CACNA2D3: variants seen among roughly 807,000 people sequenced by gnomAD.
CACNA2D3 encodes calcium voltage-gated channel auxiliary subunit alpha2delta 3.
In CACNA2D3, 60 loss-of-function variants were observed where a neutral mutation model predicts 160.6. That is an observed-to-expected ratio of 0.37 (90% CI 0.30 to 0.46). The LOEUF (loss-of-function observed/expected upper bound fraction) is 0.46, where lower values mean the gene tolerates loss of function less well. CACNA2D3 is among the 20% of genes least tolerant of loss of function. The pLI is 1.00. For synonymous variants in CACNA2D3, 558 were observed against 492.9 expected, an observed-to-expected ratio of 1.13 and a Z score of -1.75; for missense variants, 1,205 against 1,365.0, an observed-to-expected ratio of 0.88 and a Z score of 1.85.
intron 4 of CACNA2D3, among the ~76,000 whole-genome samples, chr3:54,414,942 T>G (rs1699730840): frequency 6.6e-6 from 1 of 152,124 alleles, no homozygotes; most frequent in East Asian, 1.9e-4. Context: ...ATTAAATATT[T>G]CAATGAACAA....
intron 2 of CACNA2D3, among the ~76,000 whole-genome samples, chr3:54,266,845 G>C (rs547987879): frequency 1.3e-5 from 2 of 152,310 alleles, no homozygotes; most frequent in East Asian, 3.9e-4. Context: ...GCAGCAGCTT[G>C]GGCACATATC....
At chr3:55,050,616 C>T (rs1162451507) in intron 35 of CACNA2D3, among the ~76,000 whole-genome samples, 8 of 136,364 alleles carry the variant, frequency 5.9e-5, no homozygotes, top group South Asian at 2.5e-4. Flanking sequence ...ATCTTTGTGG[C>T]GTTCTCTGTA....
At chr3:54,816,213 G>C (rs1292759412) in intron 13 of CACNA2D3, among the ~76,000 whole-genome samples, 1 of 152,074 alleles carries the variant, frequency 6.6e-6, no homozygotes, top group African/African-American at 2.4e-5. Context: ...CATCAATAAA[G>C]GGAACAGTTA....
intron 11 of CACNA2D3, among the ~76,000 whole-genome samples, chr3:54,657,761 G>T (rs1390075656): frequency 2.0e-5 from 3 of 152,194 alleles, no homozygotes; most frequent in African/African-American, 2.4e-5. Flanking sequence ...AGGTGCAGTG[G>T]CTCACACCTG....
intron 4 of CACNA2D3, among the ~76,000 whole-genome samples, chr3:54,394,253 T>C (rs1699333540): frequency 6.6e-6 from 1 of 151,612 alleles, no homozygotes; most frequent in African/African-American, 2.4e-5. Context: ...TGCTTGGTTG[T>C]GCCCCAGAAT....
rs141511548 is a variant in CACNA2D3 at position 54,457,687 on chromosome 3, A to G, written c.382-45805A>G. ...CCCAGATTTTATTGTATTGGAATCT[A>G]TATATCTTTTGAGATCTAATAATAT... On this transcript the variant is annotated intron_variant, in intron 4 of 37. Coordinates refer to ENST00000474759, the MANE Select transcript of CACNA2D3 (RefSeq NM_018398.3). Among the ~76,000 whole-genome samples the G allele has an allele frequency of 2.4e-3, 369 of 152,124 alleles. 2 individuals are homozygous for G. The highest frequency in any genetic ancestry group is 3.7e-3 in the Admixed American group (56 of 15,254).
intron 2 of CACNA2D3, among the ~76,000 whole-genome samples, chr3:54,139,891 C>T (rs972664361): frequency 6.6e-6 from 1 of 152,186 alleles, no homozygotes; most frequent in Non-Finnish European, 1.5e-5. Flanking sequence ...ATGCACATCT[C>T]AGGAACACTG....
chr3:55,019,079 TTTTC>T (rs113970383), intron 35 of CACNA2D3, among the ~76,000 whole-genome samples: 3,976 of 146,722 alleles, frequency 0.027, 139 homozygotes, highest in African/African-American at 0.084. Context: ...TGCATAGAAA[TTTTC>T]TTTCTTTCTT....
At chr3:54,295,758 C>T (rs7432978) in intron 2 of CACNA2D3, among the ~76,000 whole-genome samples, 33,446 of 152,132 alleles carry the variant, frequency 0.22, 3,860 homozygotes, top group South Asian at 0.34. Flanking sequence ...GTGCCTGTCC[C>T]TTGTCCACAA....
intron 9 of CACNA2D3, among the ~76,000 whole-genome samples, chr3:54,614,236 T>TCCTC (rs907789910): frequency 1.1e-4 from 16 of 152,372 alleles, no homozygotes; most frequent in Non-Finnish European, 2.4e-4. Context: ...CCAGAGGACG[T>TCCTC]TGTACCTAAT....
chr3:54,882,612 T>C (rs1380616358), intron 21 of CACNA2D3, among the ~76,000 whole-genome samples: 3 of 152,164 alleles, frequency 2.0e-5, no homozygotes, highest in South Asian at 4.1e-4. Context: ...TGAGGTCATA[T>C]CTTCCTCTCT....
chr3:54,562,441 C>T (rs551774010), intron 5 of CACNA2D3, among the ~76,000 whole-genome samples: 4 of 152,110 alleles, frequency 2.6e-5, no homozygotes, highest in East Asian at 1.9e-4. Flanking sequence ...GTTTTGGCTC[C>T]GTAGGGGGAA....
At chr3:54,785,745 A>G (rs936464718) in intron 13 of CACNA2D3, among the ~76,000 whole-genome samples, 1 of 152,338 alleles carries the variant, frequency 6.6e-6, no homozygotes, top group Middle Eastern at 3.4e-3. Flanking sequence ...ACCAAAAGAT[A>G]GTGGCCCAGA....
intron 2 of CACNA2D3, among the ~76,000 whole-genome samples, chr3:54,144,282 A>G (rs1226879047): frequency 2.0e-5 from 3 of 152,130 alleles, no homozygotes; most frequent in Non-Finnish European, 4.4e-5. Flanking sequence ...CCTTTTCCCC[A>G]GTGTGGAGCA....
intron 5 of CACNA2D3, among the ~76,000 whole-genome samples, chr3:54,518,416 T>C (rs1291818631): frequency 6.6e-6 from 1 of 151,760 alleles, no homozygotes; most frequent in East Asian, 1.9e-4. Flanking sequence ...CACCTGGGGT[T>C]CCCCCCAGTG....
At chr3:54,457,467 C>T (rs1032305080) in intron 4 of CACNA2D3, among the ~76,000 whole-genome samples, 21 of 151,962 alleles carry the variant, frequency 1.4e-4, no homozygotes, top group Admixed American at 3.3e-4. Context: ...ACTTGTTTTG[C>T]GATCTAACAT....
chr3:54,691,003 G>GT lies in CACNA2D3; in HGVS notation c.1167+48768dup, dbSNP rs563196049. On this transcript the variant is annotated intron_variant, in intron 11 of 37. Transcript: ENST00000474759. ...CCTACAAATGGCAAGGAAGTATGAA[G>GT]TTTTTTGGTTGAGCTTTTCTCTGAT... is the stretch of plus-strand genomic sequence containing the variant. Among the ~76,000 whole-genome samples the GT allele has an allele frequency of 1.3e-4, 20 of 152,120 alleles. No individual in the cohort carries two copies. In the East Asian group the frequency reaches 3.9e-3, roughly 29 times the overall value.
intron 27 of CACNA2D3, among the ~76,000 whole-genome samples, chr3:54,921,832 T>A (rs2106932358): frequency 6.6e-6 from 1 of 152,344 alleles, no homozygotes; most frequent in South Asian, 2.1e-4. Flanking sequence ...TTTTATTGCA[T>A]ATATAACTAA....
At chr3:54,265,820 A>G (rs1002321312) in intron 2 of CACNA2D3, among the ~76,000 whole-genome samples, 1 of 151,078 alleles carries the variant, frequency 6.6e-6, no homozygotes, top group East Asian at 1.9e-4. Context: ...TTTTCTCTCC[A>G]GTTAGAACCC....
Sources: gnomAD v4.1 joint callset for allele counts (sites outside exome capture counted in the v4.1 genomes callset) on GRCh38, gnomAD v4.1.1 for gene constraint, MANE v1.5 for transcripts, NCBI Gene and HGNC (gene_info 2026-07-23, HGNC 2026-07-21) for gene names.